Variants in MAPK10 observed in about 807,000 individuals in gnomAD.
MAPK10 encodes JNK3 alpha protein kinase.
MAPK10 carries 25 observed loss-of-function variants against 59.3 expected under a neutral mutation model. That is an observed-to-expected ratio of 0.42 (90% confidence interval 0.31 to 0.59). MAPK10 has a LOEUF of 0.59. Among genes scored for constraint, MAPK10 ranks in the 20% least tolerant of loss-of-function variants. MAPK10 has a pLI of 0.15. For missense variants in MAPK10, 351 were observed against 568.9 expected (o/e 0.62, Z 3.90); for synonymous variants, 190 against 200.5 (o/e 0.95, Z 0.44).
At chr4:86,161,777 A>T (rs914957266) in intron 3 of MAPK10, among the ~76,000 whole-genome samples, 1 of 152,026 alleles carries the variant, frequency 6.6e-6, no homozygotes, top group Non-Finnish European at 1.5e-5. Context: ...ACTGTATTGC[A>T]TGTATAAACT....
chr4:86,515,901 GTTTTTGTTTTT>G (rs1756626576), intron 1 of MAPK10, among the ~76,000 whole-genome samples: 1 of 149,102 alleles, frequency 6.7e-6, no homozygotes, highest in African/African-American at 2.5e-5. Flanking sequence ...TTTTTGTTTT[GTTTTTGTTTTT>G]GTTTTGCATT....
At chr4:86,425,234 T>C (rs895446333) in intron 1 of MAPK10, among the ~76,000 whole-genome samples, 3 of 152,340 alleles carry the variant, frequency 2.0e-5, no homozygotes, top group African/African-American at 7.2e-5. Context: ...CAGTTCTTGT[T>C]GGTTTAACAG....
intron 2 of MAPK10, among the ~76,000 whole-genome samples, chr4:86,291,546 T>A (rs1333019932): frequency 1.3e-5 from 2 of 152,200 alleles, no homozygotes; most frequent in African/African-American, 4.8e-5. Context: ...CACATTTTTT[T>A]AAAGAAATGC....
intron 1 of MAPK10, among the ~76,000 whole-genome samples, chr4:86,567,164 T>C (rs1761113215): frequency 6.6e-6 from 1 of 152,154 alleles, no homozygotes. Flanking sequence ...TACATAAAAA[T>C]CTTATTCAAA....
At chr4:86,202,138 A>AACCT (rs1449348049) in intron 2 of MAPK10, among the ~76,000 whole-genome samples, 3 of 151,954 alleles carry the variant, frequency 2.0e-5, no homozygotes, top group African/African-American at 7.2e-5. Flanking sequence ...TTTATTTGTA[A>AACCT]TCATTCATGG....
chr4:86,247,182 A>G (rs903362462), intron 2 of MAPK10, among the ~76,000 whole-genome samples: 2 of 152,180 alleles, frequency 1.3e-5, no homozygotes, highest in African/African-American at 4.8e-5. Flanking sequence ...CTATTGTACT[A>G]TACCCTCAGC....
chr4:86,496,732 C>A (rs1007617891), intron 1 of MAPK10, among the ~76,000 whole-genome samples: 1 of 152,126 alleles, frequency 6.6e-6, no homozygotes, highest in Admixed American at 6.5e-5. Context: ...AGAAATCCAA[C>A]AAATTTCTAT....
At chr4:86,309,896 C>A (rs547958573) in intron 2 of MAPK10, among the ~76,000 whole-genome samples, 1 of 152,270 alleles carries the variant, frequency 6.6e-6, no homozygotes, top group East Asian at 1.9e-4. Flanking sequence ...ATCCTTTGAA[C>A]TGTTTGAGCC....
chr4:86,446,550 AT>A (rs1750066339), intron 1 of MAPK10, among the ~76,000 whole-genome samples: 1 of 152,166 alleles, frequency 6.6e-6, no homozygotes, highest in Non-Finnish European at 1.5e-5. Context: ...AAATGCCACT[AT>A]AAACATTCAT....
intron 4 of MAPK10, among the ~76,000 whole-genome samples, chr4:86,139,976 C>A (rs1458477626): frequency 7.0e-6 from 1 of 143,440 alleles, no homozygotes; most frequent in Non-Finnish European, 1.5e-5. Context: ...ATCAAAACCA[C>A]AATGAGATAC....
chr4:86,131,762 AC>A (rs2061045786), intron 4 of MAPK10, among the ~76,000 whole-genome samples: 1 of 152,214 alleles, frequency 6.6e-6, no homozygotes, highest in South Asian at 2.1e-4. Context: ...AATGTTATTT[AC>A]GAGACGATGC....
chr4:86,235,037 T>A (rs6847635), intron 2 of MAPK10, among the ~76,000 whole-genome samples: 7,985 of 152,132 alleles, frequency 0.052, 567 homozygotes, highest in African/African-American at 0.16. Context: ...ATTAGATAAA[T>A]CATATTATTT....
chr4:86,306,778 C>G (rs1206002511), intron 2 of MAPK10, among the ~76,000 whole-genome samples: 3 of 152,166 alleles, frequency 2.0e-5, no homozygotes, highest in African/African-American at 7.2e-5. Flanking sequence ...AGATTGAACT[C>G]TAACATTTTT....
At position 86,064,278 on chromosome 4, in the gene MAPK10, G is replaced by T. The variant is rs146571914; in HGVS notation, c.1098C>A (p.Ala366=). The change falls in exon 11 of 14, where the codon GCC becomes GCA. Residue 366 remains alanine, a synonymous_variant. Transcript: ENST00000641462. ...HPYINVWYDP[A]EVEAPPPQIY... ...GCCTATTTCTTACCGCCTCCACTTC[G>T]GCTGGGTCATACCAGACGTTGATGT... The T allele has an allele frequency of 6.2e-7, 1 of 1,613,990 alleles. No homozygotes were observed. The highest frequency in any genetic ancestry group is 2.2e-5 in the East Asian group (1 of 44,882).
intron 1 of MAPK10, among the ~76,000 whole-genome samples, chr4:86,449,566 T>C (rs991075669): frequency 1.3e-5 from 2 of 152,222 alleles, no homozygotes; most frequent in Non-Finnish European, 2.9e-5. Flanking sequence ...TGGTTTTGGG[T>C]ATACTAAGTA....
intron 1 of MAPK10, among the ~76,000 whole-genome samples, chr4:86,424,410 G>A (rs1332747301): frequency 1.3e-5 from 2 of 152,024 alleles, no homozygotes; most frequent in African/African-American, 4.8e-5. Flanking sequence ...GGCTGGTCTT[G>A]AACTCCTGAC....
intron 1 of MAPK10, among the ~76,000 whole-genome samples, chr4:86,486,853 C>T (rs990920167): frequency 1.3e-5 from 2 of 152,120 alleles, no homozygotes; most frequent in Non-Finnish European, 1.5e-5. Flanking sequence ...ATTAACATCA[C>T]CAGTGAGGGG....
chr4:86,430,457 T>C (rs947606842), intron 1 of MAPK10, among the ~76,000 whole-genome samples: 19 of 152,192 alleles, frequency 1.2e-4, no homozygotes, highest in Non-Finnish European at 2.9e-5. Flanking sequence ...TGGTAGGTGC[T>C]AGAAATACAA....
At chr4:86,384,470 C>A (rs1741199099) in intron 1 of MAPK10, among the ~76,000 whole-genome samples, 1 of 152,104 alleles carries the variant, frequency 6.6e-6, no homozygotes, top group Non-Finnish European at 1.5e-5. Flanking sequence ...CTCCCCCGAA[C>A]TTTATTCTAT....
Sources: gnomAD v4.1 joint callset for allele counts (sites outside exome capture counted in the v4.1 genomes callset) on GRCh38, gnomAD v4.1.1 for gene constraint, MANE v1.5 for transcripts, NCBI Gene and HGNC (gene_info 2026-07-23, HGNC 2026-07-21) for gene names.